The following SHC4 variants were observed in gnomAD, a reference collection of about 807,000 sequenced individuals.
SHC4 encodes the protein SHC adaptor protein 4.
Under a neutral mutation model 69.4 loss-of-function variants are expected in SHC4, and 41 were observed. The observed-to-expected ratio is 0.59, with a 90% confidence interval of 0.46 to 0.77. SHC4 has a LOEUF of 0.77. SHC4 is among the 30% of genes least tolerant of loss of function. The probability of loss-of-function intolerance (pLI) is 0.00; values close to 1 mark genes in which losing one functional copy is unlikely to be tolerated. For synonymous variants in SHC4, 318 were observed against 299.3 expected (o/e 1.06, Z -0.64); for missense variants, 777 against 783.8 (o/e 0.99, Z 0.10).
intron 1 of SHC4, among the ~76,000 whole-genome samples, chr15:48,928,729 C>T (rs1487972874): frequency 2.0e-5 from 3 of 152,138 alleles, no homozygotes; most frequent in Non-Finnish European, 4.4e-5. Context: ...ATCCCCTTCC[C>T]TTCATGTGAA....
intron 4 of SHC4, among the ~76,000 whole-genome samples, chr15:48,880,787 A>G (rs1366371800): frequency 6.6e-6 from 1 of 152,140 alleles, no homozygotes; most frequent in Non-Finnish European, 1.5e-5. Flanking sequence ...CACCCCTTTT[A>G]GGGGTGTAAA....
chr15:48,953,981 G>A (rs1901404604), intron 1 of SHC4, among the ~76,000 whole-genome samples: 1 of 152,222 alleles, frequency 6.6e-6, no homozygotes, highest in South Asian at 2.1e-4. Flanking sequence ...AGAAGATGTA[G>A]AAGTGGCTTA....
chr15:48,954,928 T>C (rs11852639), intron 1 of SHC4, among the ~76,000 whole-genome samples: 2,236 of 152,338 alleles, frequency 0.015, 23 homozygotes, highest in Non-Finnish European at 0.024. Flanking sequence ...TTTATTTCTC[T>C]GAGAAATTTC....
intron 9 of SHC4, among the ~76,000 whole-genome samples, chr15:48,850,268 AG>A (rs147392864): frequency 0.044 from 6,689 of 152,124 alleles, 287 homozygotes; most frequent in East Asian, 0.22. Context: ...ATGTTGCCTT[AG>A]GTTCACTACT....
At chr15:48,891,246 C>A (rs1900132890) in intron 2 of SHC4, among the ~76,000 whole-genome samples, 1 of 149,124 alleles carries the variant, frequency 6.7e-6, no homozygotes, top group Admixed American at 6.6e-5. Flanking sequence ...GCAAAAAGAA[C>A]CTGACACGAG....
chr15:48,914,620 G>A (rs773080220), intron 2 of SHC4, among the ~76,000 whole-genome samples: 41 of 152,050 alleles, frequency 2.7e-4, no homozygotes, highest in East Asian at 1.3e-3. Flanking sequence ...CTTAAGCCCC[G>A]AAGCCTCGAT....
chr15:48,856,256 A>T (rs535637532), intron 7 of SHC4, 132 bp from the exon 8 acceptor site: 2 of 814,150 alleles, frequency 2.5e-6, no homozygotes, highest in Admixed American at 3.0e-5. Context: ...AGCTGTGCTT[A>T]AGTGATGTTA....
chr15:48,946,362 C>T (rs775086006), intron 1 of SHC4, among the ~76,000 whole-genome samples: 3 of 152,196 alleles, frequency 2.0e-5, no homozygotes, highest in Admixed American at 6.5e-5. Flanking sequence ...TGACTGTGCA[C>T]ATTATGCTTC....
chr15:48,873,944 A>G (rs953309177), intron 4 of SHC4, among the ~76,000 whole-genome samples: 3 of 152,218 alleles, frequency 2.0e-5, no homozygotes, highest in Non-Finnish European at 4.4e-5. Flanking sequence ...AAAGGTGTCA[A>G]TCCTACCCCA....
At chr15:48,840,977 A>T (rs1276692756) in intron 10 of SHC4, among the ~76,000 whole-genome samples, 2 of 152,246 alleles carry the variant, frequency 1.3e-5, no homozygotes, top group African/African-American at 4.8e-5. Flanking sequence ...ATTTTGGACA[A>T]GGCAGACTTT....
chr15:48,945,522 C>A (rs954259756), intron 1 of SHC4, among the ~76,000 whole-genome samples: 1 of 152,160 alleles, frequency 6.6e-6, no homozygotes, highest in African/African-American at 2.4e-5. Flanking sequence ...GTACAATGGA[C>A]TATTATACTG....
intron 2 of SHC4, among the ~76,000 whole-genome samples, chr15:48,904,225 A>G (rs1334736864): frequency 1.3e-5 from 2 of 152,214 alleles, no homozygotes; most frequent in Non-Finnish European, 2.9e-5. Flanking sequence ...GGCAGGGCAG[A>G]TCTGATTTCC....
At chr15:48,904,589 T>C (rs950030665) in intron 2 of SHC4, among the ~76,000 whole-genome samples, 3 of 152,086 alleles carry the variant, frequency 2.0e-5, no homozygotes, top group Admixed American at 2.0e-4. Context: ...TGTTCAAAAA[T>C]ATACCTGGCT....
At position 48,898,648 on chromosome 15, in the gene SHC4, T is replaced by C. The variant is rs939038907; in HGVS notation, c.657-7837A>G. Among the ~76,000 whole-genome samples the C allele has an allele frequency of 2.6e-5, 4 of 152,216 alleles. No homozygotes were observed. The East Asian group carries it at 5.8e-4, about 22-fold the overall frequency. The stretch of plus-strand genomic sequence containing the variant: ...GCAAATGTGAACCCATTAATCACAC[T>C]GGAATGAAGTGAAGGACCCTCTTGT... On this transcript the variant is annotated intron_variant, in intron 2 of 11. Transcript: ENST00000332408.
chr15:48,886,581 G>C (rs1461056832), intron 3 of SHC4, among the ~76,000 whole-genome samples: 1 of 152,058 alleles, frequency 6.6e-6, no homozygotes. Flanking sequence ...GACAACTCCG[G>C]AACCCCCTCA....
intron 5 of SHC4, among the ~76,000 whole-genome samples, chr15:48,871,679 T>G (rs1899680728): frequency 6.6e-6 from 1 of 152,230 alleles, no homozygotes; most frequent in African/African-American, 2.4e-5. Flanking sequence ...ACTTGGTTGA[T>G]ATATCAAGTC....
chr15:48,835,771 A>G (rs904017680), intron 10 of SHC4, among the ~76,000 whole-genome samples: 1 of 152,208 alleles, frequency 6.6e-6, no homozygotes, highest in Non-Finnish European at 1.5e-5. Context: ...CACTCATAAT[A>G]GTGATAATAG....
intron 9 of SHC4, among the ~76,000 whole-genome samples, chr15:48,847,592 C>T (rs900540012): frequency 5.3e-5 from 8 of 152,164 alleles, no homozygotes; most frequent in Non-Finnish European, 1.0e-4. Context: ...CTATAGGTAT[C>T]TCTCAAATGC....
At chr15:48,920,572 G>A (rs75362458) in intron 2 of SHC4, among the ~76,000 whole-genome samples, 3,904 of 152,194 alleles carry the variant, frequency 0.026, 178 homozygotes, top group African/African-American at 0.09. Context: ...ACCGCGCCCG[G>A]CCAGAGATTT....
Sources: gnomAD v4.1 joint callset for allele counts (sites outside exome capture counted in the v4.1 genomes callset) on GRCh38, gnomAD v4.1.1 for gene constraint, MANE v1.5 for transcripts, NCBI Gene and HGNC (gene_info 2026-07-23, HGNC 2026-07-21) for gene names.